TAB3: variants seen among roughly 807,000 people sequenced by gnomAD.
TAB3 encodes TGF-beta activated kinase 1 (MAP3K7) binding protein 3, also known as TGF-beta-activated kinase 1 and MAP3K7-binding protein 3.
Under a neutral mutation model 48.1 loss-of-function variants are expected in TAB3, and 18 were observed. The observed-to-expected ratio is 0.37, with a 90% CI of 0.26 to 0.55. The LOEUF (loss-of-function observed/expected upper bound fraction) is 0.55, where lower values mean the gene tolerates loss of function less well. Among genes scored for constraint, TAB3 ranks in the 20% least tolerant of loss-of-function variants. The pLI is 0.78. For missense variants in TAB3, 414 were observed against 549.8 expected, an observed-to-expected ratio of 0.75 and a Z score of 2.47; for synonymous variants, 185 against 190.2, an observed-to-expected ratio of 0.97 and a Z score of 0.22.
rs1021077963 is a variant in TAB3 at position 30,848,819 on chromosome X, A to G, written c.1711-2175T>C. Among the ~76,000 whole-genome samples, 4 of 111,203 alleles carry G rather than the reference A, an allele frequency of 3.6e-5. 1 individual carries two copies. In the Admixed American group the frequency reaches 3.8e-4, roughly 11 times the overall value. On this transcript the variant is annotated intron_variant, in intron 7 of 10. Transcript: ENST00000288422. ...GGTAAGCTTTTTTTCCAAAGCTGGCATAGACCAGCGTCAAAGACCACTGAT... is the reference window on the plus strand; with the variant it reads ...GGTAAGCTTTTTTTCCAAAGCTGGCGTAGACCAGCGTCAAAGACCACTGAT...
chrX:30,856,846 A>G (rs1939093443), intron 5 of TAB3, among the ~76,000 whole-genome samples: 1 of 111,466 alleles, frequency 9.0e-6, no homozygotes, highest in Non-Finnish European at 1.9e-5. Context: ...ATGGCTTGAC[A>G]ATAGGCACTT....
intron 8 of TAB3, chrX:30,844,392 T>C (rs1357205417): frequency 1.8e-5 from 2 of 112,266 alleles, no homozygotes; most frequent in Admixed American, 9.5e-5. Flanking sequence ...CTGAAAATAA[T>C]TGCTGTGATA....
At position 30,868,586 on chromosome X, in the gene TAB3, TAGAG is replaced by T. The variant is rs1306064666; in HGVS notation, c.-279-1041_-279-1038del. 8.0e-4 allele frequency among the ~76,000 whole-genome samples: 7 copies of T among 8,752 alleles called. 1 individual carries two copies. Among genetic ancestry groups the T allele is most frequent in the East Asian group, 7.1e-3 (2 of 282 alleles). The allele number at this position is 8,752 out of a possible 115,157, so 7.6% of individuals were successfully genotyped here. ...TATAGCTTATATATATATATATATA[TAGAG>T]AGAGAGAGAGAGAGAGAGAGAGAGA... On this transcript the variant is annotated intron_variant, in intron 2 of 10. Transcript: ENST00000288422.
chrX:30,832,205 T>C (rs1356257501), intron 10 of TAB3, among the ~76,000 whole-genome samples: 2 of 112,336 alleles, frequency 1.8e-5, no homozygotes, highest in African/African-American at 6.5e-5. Context: ...TTCCTACATT[T>C]TTGGCATTAA....
At chrX:30,838,344 G>A (rs1938306308) in intron 9 of TAB3, among the ~76,000 whole-genome samples, 1 of 111,243 alleles carries the variant, frequency 9.0e-6, no homozygotes, top group South Asian at 3.8e-4. Context: ...TTTTTTTGTA[G>A]ATGAGGTCTA....
intron 5 of TAB3, 96 bp downstream of exon 5, chrX:30,859,391 C>CAA: frequency 1.6e-6 from 1 of 634,294 alleles, no homozygotes. Context: ...CACACACACA[C>CAA]AAGAAAACAT....
intron 7 of TAB3, among the ~76,000 whole-genome samples, chrX:30,848,622 T>C (rs916671333): frequency 1.8e-5 from 2 of 111,767 alleles, no homozygotes; most frequent in Non-Finnish European, 3.8e-5. Context: ...ATGTCCTTTT[T>C]CATATGGCTT....
chrX:30,873,298 G>A (rs1188539483), intron 1 of TAB3, among the ~76,000 whole-genome samples: 2 of 110,364 alleles, frequency 1.8e-5, no homozygotes, highest in Non-Finnish European at 3.8e-5. Flanking sequence ...AGCACTTTGG[G>A]AGGCCGAGGC....
chrX:30,862,541 TGA>T (rs1238325349), intron 4 of TAB3, among the ~76,000 whole-genome samples: 2 of 111,747 alleles, frequency 1.8e-5, no homozygotes, highest in African/African-American at 6.5e-5. Flanking sequence ...TCAGAGATCT[TGA>T]GAGCGGCCAG....
intron 4 of TAB3, among the ~76,000 whole-genome samples, chrX:30,860,032 G>A (rs900048796): frequency 4.5e-5 from 5 of 111,903 alleles, no homozygotes; most frequent in African/African-American, 1.3e-4. Context: ...ATAAGGACCT[G>A]GAAGTCAACT....
intron 1 of TAB3, among the ~76,000 whole-genome samples, chrX:30,888,108 C>T (rs1301231191): frequency 1.8e-5 from 2 of 112,519 alleles, no homozygotes; most frequent in Non-Finnish European, 3.8e-5. Flanking sequence ...TCCACGTGTT[C>T]TTGTATACTA....
intron 4 of TAB3, among the ~76,000 whole-genome samples, chrX:30,859,921 A>T (rs1939203932): frequency 9.2e-6 from 1 of 108,314 alleles, no homozygotes; most frequent in African/African-American, 3.4e-5. Context: ...GGTCTCACCT[A>T]TTTAAAAAAA....
chrX:30,861,822 A>C (rs189326493), intron 4 of TAB3, among the ~76,000 whole-genome samples: 1 of 112,435 alleles, frequency 8.9e-6, no homozygotes, highest in African/African-American at 3.2e-5. Flanking sequence ...CATTTAACCC[A>C]TGTCAAAAGT....
rs866553420 is a variant in TAB3 at position 30,852,645 on chromosome X, T to C, written c.1710+133A>G. 59 of 692,132 alleles carry C rather than the reference T, an allele frequency of 8.5e-5. No individual in the cohort carries two copies. In the African/African-American group the frequency reaches 1.1e-3, roughly 13 times the overall value. 57.0% of individuals were successfully genotyped at this position (692,132 alleles called of 1,213,427 possible). A position where few individuals can be genotyped will look rare whatever the true frequency, so the allele number is the denominator to read the frequency against. ...AAGGCAAAAGTCCTTCATCTGTTGT[T>C]TTTAAAAAAAGCAACAATAACAACA... On this transcript the variant is annotated intron_variant, in intron 7 of 10. Coordinates refer to ENST00000288422, the MANE Select transcript of TAB3 (RefSeq NM_152787.5).
intron 2 of TAB3, among the ~76,000 whole-genome samples, chrX:30,869,979 C>T (rs1222649301): frequency 1.8e-5 from 2 of 112,445 alleles, no homozygotes; most frequent in African/African-American, 6.5e-5. Context: ...GTATTTCTTA[C>T]TGTGGGTTTG....
intron 4 of TAB3, among the ~76,000 whole-genome samples, chrX:30,863,562 T>G (rs976232401): frequency 1.8e-5 from 2 of 111,611 alleles, no homozygotes; most frequent in African/African-American, 3.3e-5. Flanking sequence ...CAAGATCTGA[T>G]TGTTTAAAAC....
chrX:30,878,823 T>C (rs997593222), intron 1 of TAB3, among the ~76,000 whole-genome samples: 4 of 111,893 alleles, frequency 3.6e-5, no homozygotes, highest in Non-Finnish European at 5.6e-5. Flanking sequence ...AATTCTCATA[T>C]TACTGGAAAT....
chrX:30,843,563 T>C (rs5972242), intron 8 of TAB3: 29,335 of 111,334 alleles, frequency 0.26, 2,909 homozygotes, highest in Admixed American at 0.38. Context: ...ATTTTGAGAC[T>C]ACTAAGCAAC....
chrX:30,868,033 A>G (rs1939462920), intron 2 of TAB3, among the ~76,000 whole-genome samples: 1 of 104,715 alleles, frequency 9.5e-6, no homozygotes, highest in Admixed American at 1.1e-4. Context: ...AGTAGCTGGG[A>G]CTATAGGTGT....
Sources: allele counts gnomAD v4.1 joint callset (sites outside exome capture counted in the v4.1 genomes callset), GRCh38; gene constraint gnomAD v4.1.1; transcripts MANE v1.5; gene names NCBI Gene and HGNC (gene_info 2026-07-23, HGNC 2026-07-21).